Variants in CFAP43 observed in about 807,000 individuals in gnomAD.
CFAP43 encodes cilia and flagella associated protein 43.
A neutral mutation model predicts 218.9 loss-of-function variants in CFAP43; 155 were observed. The observed-to-expected ratio is 0.71, with a 90% CI of 0.62 to 0.81. The LOEUF (loss-of-function observed/expected upper bound fraction) is 0.81, where lower values mean the gene tolerates loss of function less well. Ranked by LOEUF, CFAP43 falls within the 30% of genes least tolerant of loss-of-function variation. The pLI, the probability that CFAP43 is intolerant of heterozygous loss-of-function variation, is 0.00. For missense variants in CFAP43, 1,778 were observed against 1,954.3 expected (o/e 0.91, Z 1.70); for synonymous variants, 645 against 681.3 (o/e 0.95, Z 0.83).
chr10:104,230,478 A>G, intron 2 of CFAP43, 112 bp downstream of exon 2: 9 of 1,399,506 alleles, frequency 6.4e-6, no homozygotes, highest in Non-Finnish European at 8.7e-6. Context: ...ACAAACACAA[A>G]AAACAAACAA....
chr10:104,166,829 C>G, intron 22 of CFAP43, 111 bp from the exon 23 acceptor site: 1 of 983,068 alleles, frequency 1.0e-6, no homozygotes, highest in Non-Finnish European at 1.5e-6. Flanking sequence ...GTTGAATTGT[C>G]TTGCCAACAA....
intron 28 of CFAP43, among the ~76,000 whole-genome samples, chr10:104,152,291 C>T (rs1441375634): frequency 6.6e-6 from 1 of 152,034 alleles, no homozygotes; most frequent in Admixed American, 6.6e-5. Context: ...AAGATATTAC[C>T]TAGTGTGAGG....
In CFAP43 at chr10:104,132,208, A is replaced by G. The variant is rs190374051; in HGVS notation, c.4597-12T>C. ...GGTTCATTTAGGTACTTTGAGATTA[A>G]AAAAAAACATGTAAGGATATTTTTC... is the stretch of plus-strand genomic sequence containing the variant. On this transcript the variant is annotated splice_polypyrimidine_tract_variant and intron_variant, in intron 35 of 37. Transcript: ENST00000357060. 549 of 1,549,792 alleles carry G rather than the reference A, an allele frequency of 3.5e-4. No individual in the cohort carries two copies. The African/African-American group carries it at 6.8e-3, about 19-fold the overall frequency.
intron 2 of CFAP43, among the ~76,000 whole-genome samples, chr10:104,227,414 C>T (rs909025749): frequency 6.6e-6 from 1 of 152,190 alleles, no homozygotes; most frequent in African/African-American, 2.4e-5. Flanking sequence ...AAGAGTGCTA[C>T]CAATTTCACT....
chr10:104,196,576 T>C (rs1418862635), intron 10 of CFAP43, among the ~76,000 whole-genome samples: 1 of 152,182 alleles, frequency 6.6e-6, no homozygotes, highest in African/African-American at 2.4e-5. Flanking sequence ...ACAATGAACT[T>C]ATGGCATGAG....
chr10:104,132,609 C>T (rs1197155712), intron 35 of CFAP43: 2 of 982,694 alleles, frequency 2.0e-6, no homozygotes, highest in South Asian at 4.7e-5. Flanking sequence ...AGCAAAACCC[C>T]ATCTCAAAAA....
At chr10:104,162,502 T>C in intron 24 of CFAP43, 99 bp from the exon 25 acceptor site, 1 of 1,012,898 alleles carries the variant, frequency 9.9e-7, no homozygotes, top group East Asian at 2.4e-5. Context: ...ACTAAGGGGA[T>C]TAAAGGGACT....
At chr10:104,164,399 A>ATTTT in intron 23 of CFAP43, 99 bp from the exon 24 acceptor site, 5 of 796,658 alleles carry the variant, frequency 6.3e-6, no homozygotes, top group African/African-American at 1.9e-5. Flanking sequence ...CATTCCACAA[A>ATTTT]TTTTTTTTTT....
chr10:104,149,538 T>C (rs1413908406), intron 28 of CFAP43, among the ~76,000 whole-genome samples: 2 of 152,368 alleles, frequency 1.3e-5, no homozygotes, highest in East Asian at 3.9e-4. Context: ...TGAAAGTGAC[T>C]GATTGGCACT....
rs751657021 is a variant in CFAP43 at position 104,230,841 on chromosome 10, C to T, written c.68G>A (p.Trp23Ter). Reference protein sequence around the residue: ...SAGGASLSVRWVQGFPKQNVH... With the variant: ...SAGGASLSVR ...ATTCTGCTTAGGGAATCCTTGCACC[C>T]ATCTTTGGGAAAAGATATGTCAACA... The change falls in exon 2 of 38, where the codon TGG becomes TAG. Residue 23 changes from tryptophan to a stop codon, truncating the protein, a stop_gained and splice_region_variant. Coordinates refer to ENST00000357060, the MANE Select transcript of CFAP43 (RefSeq NM_025145.7). LOFTEE classifies it high-confidence loss of function. 1.2e-6 allele frequency: 2 copies of T among 1,602,422 alleles called. No individual in the cohort carries two copies. Among genetic ancestry groups the T allele is most frequent in the African/African-American group, 1.3e-5 (1 of 74,220 alleles).
chr10:104,145,075 G>C (rs769335731), intron 31 of CFAP43, among the ~76,000 whole-genome samples: 5 of 152,162 alleles, frequency 3.3e-5, no homozygotes, highest in Non-Finnish European at 5.9e-5. Flanking sequence ...CCCAAACTTA[G>C]TTAGTCCTGG....
intron 21 of CFAP43, 22 bp downstream of exon 21, chr10:104,168,722 T>C: frequency 6.4e-7 from 1 of 1,573,328 alleles, no homozygotes; most frequent in Non-Finnish European, 8.7e-7. Flanking sequence ...TCAGGTTTTG[T>C]ACCTAGGGTT....
intron 13 of CFAP43, 68 bp from the exon 14 acceptor site, chr10:104,187,560 G>A (rs958182452): frequency 7.6e-7 from 1 of 1,307,940 alleles, no homozygotes; most frequent in South Asian, 2.0e-5. Context: ...TTAAAATTAT[G>A]AACAATTATG....
In CFAP43 at chr10:104,229,757, T is replaced by C. The variant is rs925619456; in HGVS notation, c.319+833A>G. ...ACATACAGCATATTATATATTTTCATCTATCATCATCACCGCAGCCTTCAC... is the reference window on the plus strand; with the variant it reads ...ACATACAGCATATTATATATTTTCACCTATCATCATCACCGCAGCCTTCAC... On this transcript the variant is annotated intron_variant, in intron 2 of 37. Transcript: ENST00000357060. Among the ~76,000 whole-genome samples the C allele has an allele frequency of 4.6e-5, 7 of 152,202 alleles. No individual in the cohort carries two copies. The East Asian group carries it at 5.8e-4, about 13-fold the overall frequency.
chr10:104,180,482 G>A (rs906614742), intron 17 of CFAP43, among the ~76,000 whole-genome samples: 2 of 134,258 alleles, frequency 1.5e-5, no homozygotes, highest in African/African-American at 5.8e-5. Flanking sequence ...GTCTTGCTCT[G>A]TCACCCAGGC....
At chr10:104,169,460 A>G (rs1043339068) in intron 20 of CFAP43, among the ~76,000 whole-genome samples, 2 of 152,166 alleles carry the variant, frequency 1.3e-5, no homozygotes, top group African/African-American at 4.8e-5. Context: ...ACTTAAAAAC[A>G]TGTTACTTCA....
intron 16 of CFAP43, among the ~76,000 whole-genome samples, chr10:104,184,767 G>C (rs1228959568): frequency 6.6e-6 from 1 of 152,000 alleles, no homozygotes; most frequent in Non-Finnish European, 1.5e-5. Context: ...TCCTCCCTGT[G>C]AAAACCATAC....
chr10:104,216,481 C>T (rs1315218834), intron 3 of CFAP43, among the ~76,000 whole-genome samples: 1 of 152,202 alleles, frequency 6.6e-6, no homozygotes, highest in African/African-American at 2.4e-5. Context: ...CTGTGCCTCG[C>T]CTCACACCCA....
intron 36 of CFAP43, among the ~76,000 whole-genome samples, 199 bp from the exon 37 acceptor site, chr10:104,131,683 G>C (rs2087202473): frequency 6.6e-6 from 1 of 151,964 alleles, no homozygotes; most frequent in Non-Finnish European, 1.5e-5. Flanking sequence ...ACAAATTTTA[G>C]AAAAAACATT....
Sources: allele counts gnomAD v4.1 joint callset (sites outside exome capture counted in the v4.1 genomes callset), GRCh38; gene constraint gnomAD v4.1.1; transcripts MANE v1.5; gene names NCBI Gene and HGNC (gene_info 2026-07-23, HGNC 2026-07-21).